Variants in NNMT observed in about 807,000 individuals in gnomAD.
The protein encoded by NNMT is nicotinamide N-methyltransferase.
In NNMT, 10 loss-of-function variants were observed where a neutral mutation model predicts 11.7. That is an observed-to-expected ratio of 0.85 (90% confidence interval 0.53 to 1.45). NNMT has a LOEUF of 1.45. Among genes scored for constraint, NNMT ranks in the 40% most tolerant of loss-of-function variants. The pLI is 0.00. For missense variants in NNMT, 381 were observed against 319.4 expected, an observed-to-expected ratio of 1.19 and a Z score of -1.47; for synonymous variants, 143 against 133.8, an observed-to-expected ratio of 1.07 and a Z score of -0.48.
chr11:114,275,540 G>A (rs188004437), intron 2 of NNMT, among the ~76,000 whole-genome samples: 70 of 152,326 alleles, frequency 4.6e-4, no homozygotes, highest in African/African-American at 1.7e-3. Flanking sequence ...CGTGCCAATA[G>A]CTGATGTCAT....
intron 2 of NNMT, 197 bp downstream of exon 2, chr11:114,298,355 C>T: frequency 1.7e-6 from 1 of 572,586 alleles, no homozygotes; most frequent in Non-Finnish European, 3.1e-6. Context: ...CATGTGTGCA[C>T]CAGAGTAATG....
intron 2 of NNMT, among the ~76,000 whole-genome samples, chr11:114,302,162 T>C (rs1212626734): frequency 2.6e-5 from 4 of 152,324 alleles, no homozygotes; most frequent in African/African-American, 9.6e-5. Flanking sequence ...ATTACTAATA[T>C]TACAGGGTTG....
chr11:114,308,928 T>C (rs1350150119), intron 2 of NNMT, among the ~76,000 whole-genome samples: 2 of 152,212 alleles, frequency 1.3e-5, no homozygotes, highest in Non-Finnish European at 2.9e-5. Flanking sequence ...GACTTCACAG[T>C]GTGGCTCACA....
At chr11:114,298,224 A>G in intron 2 of NNMT, 66 bp downstream of exon 2, 1 of 1,391,460 alleles carries the variant, frequency 7.2e-7, no homozygotes, top group Non-Finnish European at 1.0e-6. Flanking sequence ...CAAAAGCAAC[A>G]GACAGATAGG....
At chr11:114,267,627 A>G (rs1591825461) in intron 2 of NNMT, among the ~76,000 whole-genome samples, 1 of 152,196 alleles carries the variant, frequency 6.6e-6, no homozygotes, top group African/African-American at 2.4e-5. Flanking sequence ...CCCAGATTCA[A>G]CATCATCCAG....
chr11:114,306,087 C>T (rs559878369), intron 2 of NNMT, among the ~76,000 whole-genome samples: 33 of 152,324 alleles, frequency 2.2e-4, no homozygotes, highest in Admixed American at 1.6e-3. Context: ...ATTTGCATTT[C>T]TCTGATGACC....
intron 2 of NNMT, among the ~76,000 whole-genome samples, chr11:114,306,874 C>A (rs1300302615): frequency 1.3e-5 from 2 of 152,152 alleles, no homozygotes; most frequent in African/African-American, 4.8e-5. Context: ...TGTGCAAAGA[C>A]CTCCATTTCT....
chr11:114,303,338 G>A (rs1945457266), intron 2 of NNMT, among the ~76,000 whole-genome samples: 1 of 151,940 alleles, frequency 6.6e-6, no homozygotes, highest in African/African-American at 2.4e-5. Context: ...AAAGTCCCCT[G>A]GCATCTCTCT....
At chr11:114,271,747 A>G (rs1398045741) in intron 2 of NNMT, among the ~76,000 whole-genome samples, 1 of 152,218 alleles carries the variant, frequency 6.6e-6, no homozygotes, top group Non-Finnish European at 1.5e-5. Flanking sequence ...GGGAGCTGAA[A>G]ACACTAAAGA....
At chr11:114,296,289 C>T, upstream of NNMT, 2 of 377,360 alleles carry the variant, frequency 5.3e-6, no homozygotes, top group South Asian at 4.0e-5. Flanking sequence ...GCATACAGCT[C>T]ATGGCCCTCC....
intron 2 of NNMT, among the ~76,000 whole-genome samples, chr11:114,300,186 G>A (rs938689136): frequency 6.6e-6 from 1 of 151,688 alleles, no homozygotes; most frequent in Non-Finnish European, 1.5e-5. Flanking sequence ...TTTTTCTAAT[G>A]TAGGCATTTA....
At chr11:114,305,789 A>T (rs567945018) in intron 2 of NNMT, among the ~76,000 whole-genome samples, 2 of 152,192 alleles carry the variant, frequency 1.3e-5, no homozygotes, top group African/African-American at 4.8e-5. Context: ...TGCTATTGTG[A>T]ATAGTGCCAC....
chr11:114,296,779 G>T, intron 1 of NNMT, 69 bp downstream of exon 1: 1 of 1,500,326 alleles, frequency 6.7e-7, no homozygotes, highest in Non-Finnish European at 9.2e-7. Context: ...GGCACGACTG[G>T]GTTTTGTGTC....
chr11:114,272,535 G>T (rs1290932020), intron 2 of NNMT, among the ~76,000 whole-genome samples: 5 of 152,220 alleles, frequency 3.3e-5, no homozygotes, highest in African/African-American at 1.2e-4. Flanking sequence ...CATGGTCCAT[G>T]GTGGGAGACC....
intron 2 of NNMT, among the ~76,000 whole-genome samples, chr11:114,277,767 A>T (rs968925273): frequency 5.9e-5 from 9 of 152,156 alleles, no homozygotes; most frequent in Admixed American, 2.6e-4. Context: ...GTAACTGTTG[A>T]TAGGCATGGG....
chr11:114,282,146 C>G (rs948254894), intron 2 of NNMT, among the ~76,000 whole-genome samples: 5 of 152,150 alleles, frequency 3.3e-5, no homozygotes, highest in African/African-American at 1.2e-4. Context: ...ATCGCTTGAG[C>G]CCAGGAGGTC....
At chr11:114,304,909 A>T (rs944924793) in intron 2 of NNMT, among the ~76,000 whole-genome samples, 1 of 152,264 alleles carries the variant, frequency 6.6e-6, no homozygotes, top group Admixed American at 6.5e-5. Flanking sequence ...TAAGAAAGTC[A>T]AACACTAAGA....
Position 114,313,022 on chromosome 11 carries a change from A to G in NNMT, c.*545A>G, listed in dbSNP as rs538760426. 2.0e-5 allele frequency: 3 copies of G among 152,576 alleles called. No homozygotes were observed. The East Asian group carries it at 5.8e-4, about 29-fold the overall frequency. 9.5% of individuals were successfully genotyped at this position (152,576 alleles called of 1,614,324 possible). A position where few individuals can be genotyped will look rare whatever the true frequency, so the allele number is the denominator to read the frequency against. On this transcript the variant is annotated 3_prime_UTR_variant, in exon 3 of 3. Coordinates refer to ENST00000299964, the MANE Select transcript of NNMT (RefSeq NM_006169.3). ...TCCAGCATTTCTGTTCATCCCAGCA[A>G]TCCAAAAAAAAATTTTTTTAAGCTA...
intron 2 of NNMT, among the ~76,000 whole-genome samples, chr11:114,264,575 C>T (rs1041869735): frequency 1.3e-5 from 2 of 152,192 alleles, no homozygotes; most frequent in Non-Finnish European, 2.9e-5. Flanking sequence ...CTCTCTAACT[C>T]AATTCCATTC....
Sources: gnomAD v4.1 joint callset for allele counts (sites outside exome capture counted in the v4.1 genomes callset) on GRCh38, gnomAD v4.1.1 for gene constraint, MANE v1.5 for transcripts, NCBI Gene and HGNC (gene_info 2026-07-23, HGNC 2026-07-21) for gene names.